The following ASIC2 variants were observed in gnomAD, a reference collection of about 807,000 sequenced individuals.
The protein encoded by ASIC2 is acid sensing ion channel subunit 2.
A neutral mutation model predicts 57.3 loss-of-function variants in ASIC2; 25 were observed. The ratio of observed to expected loss-of-function variants is 0.44; its 90% CI spans 0.32 to 0.61. The LOEUF is 0.61. Ranked by LOEUF, ASIC2 falls within the 20% of genes least tolerant of loss-of-function variation. The pLI, the probability that ASIC2 is intolerant of heterozygous loss-of-function variation, is 0.06. For missense variants in ASIC2, 641 were observed against 738.1 expected, an observed-to-expected ratio of 0.87 and a Z score of 1.52; for synonymous variants, 319 against 307.5, an observed-to-expected ratio of 1.04 and a Z score of -0.39.
intron 1 of ASIC2, among the ~76,000 whole-genome samples, chr17:33,282,479 G>GTGTGTGTGTGTGCT (rs1904995280): frequency 2.7e-5 from 4 of 147,110 alleles, no homozygotes; most frequent in South Asian, 2.2e-4. Flanking sequence ...GTGTGTGCTT[G>GTGTGTGTGTGTGCT]TGTGTGTGTG....
At chr17:34,058,897 T>C (rs1908867409) in intron 1 of ASIC2, among the ~76,000 whole-genome samples, 1 of 152,172 alleles carries the variant, frequency 6.6e-6, no homozygotes, top group Non-Finnish European at 1.5e-5. Context: ...CTATATTTCA[T>C]AGAAGAGGAA....
chr17:33,940,991 T>G (rs1012080756), intron 1 of ASIC2, among the ~76,000 whole-genome samples: 9 of 152,186 alleles, frequency 5.9e-5, no homozygotes, highest in African/African-American at 1.9e-4. Flanking sequence ...CCATTCTAAG[T>G]GCGGTGAAGA....
chr17:33,934,483 C>T (rs1211043620), intron 1 of ASIC2, among the ~76,000 whole-genome samples: 2 of 152,106 alleles, frequency 1.3e-5, no homozygotes, highest in Non-Finnish European at 2.9e-5. Flanking sequence ...GCTGACAAGT[C>T]CACAAGGTAT....
At chr17:33,540,609 GAGTT>G (rs756606262) in intron 1 of ASIC2, among the ~76,000 whole-genome samples, 2 of 152,148 alleles carry the variant, frequency 1.3e-5, no homozygotes, top group African/African-American at 4.8e-5. Flanking sequence ...CCCTCACATA[GAGTT>G]AGTTAGTCAC....
chr17:33,455,921 G>A (rs1047940374), intron 1 of ASIC2, among the ~76,000 whole-genome samples: 5 of 152,278 alleles, frequency 3.3e-5, no homozygotes, highest in South Asian at 2.1e-4. Flanking sequence ...TTTACAGGCC[G>A]TGTTGTCCAA....
At chr17:33,740,912 G>A (rs78065896) in intron 1 of ASIC2, among the ~76,000 whole-genome samples, 180 of 152,270 alleles carry the variant, frequency 1.2e-3, no homozygotes, top group African/African-American at 4.1e-3. Context: ...CTTCAACAGG[G>A]TTATAGTAAG....
intron 1 of ASIC2, among the ~76,000 whole-genome samples, chr17:33,736,987 G>A (rs1909933734): frequency 6.6e-6 from 1 of 152,260 alleles, no homozygotes; most frequent in Non-Finnish European, 1.5e-5. Context: ...TAAAGCATAT[G>A]CTATGATATA....
intron 1 of ASIC2, among the ~76,000 whole-genome samples, chr17:33,694,737 G>T (rs1322205327): frequency 6.6e-6 from 1 of 152,184 alleles, no homozygotes; most frequent in Non-Finnish European, 1.5e-5. Context: ...AGTGAAGGAG[G>T]ACTCTAACTG....
chr17:33,286,378 T>G (rs535096878), intron 1 of ASIC2, among the ~76,000 whole-genome samples: 2 of 152,250 alleles, frequency 1.3e-5, no homozygotes, highest in Middle Eastern at 3.4e-3. Context: ...GGGACACAGA[T>G]GAGGTCTCTC....
At chr17:33,178,288 A>T (rs1325865315) in intron 1 of ASIC2, among the ~76,000 whole-genome samples, 2 of 152,194 alleles carry the variant, frequency 1.3e-5, no homozygotes, top group Non-Finnish European at 1.5e-5. Context: ...TCAATTAAAA[A>T]TTTTAAAATA....
chr17:34,037,887 G>C (rs530073379), intron 1 of ASIC2: 1 of 1,613,840 alleles, frequency 6.2e-7, no homozygotes, highest in East Asian at 2.2e-5. Context: ...TGCTGAGACT[G>C]GTTATGGCCA....
At chr17:33,378,528 T>G (rs893733172) in intron 1 of ASIC2, among the ~76,000 whole-genome samples, 6 of 152,222 alleles carry the variant, frequency 3.9e-5, no homozygotes, top group African/African-American at 1.4e-4. Context: ...TCTGGGTGGT[T>G]CATGCTCTGC....
chr17:33,661,927 T>A (rs2142045265), intron 1 of ASIC2, among the ~76,000 whole-genome samples: 2 of 152,318 alleles, frequency 1.3e-5, no homozygotes, highest in Non-Finnish European at 2.9e-5. Context: ...CCTGCCTGGT[T>A]AGACTTTACT....
intron 1 of ASIC2, among the ~76,000 whole-genome samples, chr17:34,018,504 A>G (rs1907044595): frequency 6.6e-6 from 1 of 152,232 alleles, no homozygotes; most frequent in Non-Finnish European, 1.5e-5. Flanking sequence ...TCATTTCATG[A>G]GGCTATAGCT....
intron 1 of ASIC2, among the ~76,000 whole-genome samples, chr17:33,799,835 C>G (rs373191392): frequency 6.6e-6 from 1 of 152,104 alleles, no homozygotes; most frequent in Admixed American, 6.5e-5. Context: ...GTGAATGGTG[C>G]TCCCTAAGGT....
In ASIC2 at chr17:33,014,078, G is replaced by T. The variant is rs1462541767; in HGVS notation, c.1591-12C>A. On this transcript the variant is annotated splice_polypyrimidine_tract_variant and intron_variant, in intron 9 of 9. Transcript: ENST00000225823. ...GTGTCACAAGTACTCTGGAAGGGAA[G>T]GGTTGGTGGGAGTTTATTATTCGCT... 6.4e-7 allele frequency: 1 copy of T among 1,572,730 alleles called. No individual in the cohort carries two copies.
At chr17:33,030,934 G>A (rs1339148430) in intron 3 of ASIC2, among the ~76,000 whole-genome samples, 1 of 151,998 alleles carries the variant, frequency 6.6e-6, no homozygotes, top group Non-Finnish European at 1.5e-5. Context: ...GAGGTTTTTT[G>A]CATCTATGTT....
chr17:33,065,164 T>C (rs1405205808), intron 3 of ASIC2, among the ~76,000 whole-genome samples: 2 of 152,178 alleles, frequency 1.3e-5, no homozygotes, highest in Non-Finnish European at 2.9e-5. Flanking sequence ...GCTCTGTATT[T>C]ATTGAAAATG....
At chr17:33,501,926 C>CT (rs1257950381) in intron 1 of ASIC2, among the ~76,000 whole-genome samples, 1 of 152,124 alleles carries the variant, frequency 6.6e-6, no homozygotes, top group Non-Finnish European at 1.5e-5. Flanking sequence ...GCTTGGAGGC[C>CT]TTAGAGGGCC....
Sources: gnomAD v4.1 joint callset for allele counts (sites outside exome capture counted in the v4.1 genomes callset) on GRCh38, gnomAD v4.1.1 for gene constraint, MANE v1.5 for transcripts, NCBI Gene and HGNC (gene_info 2026-07-23, HGNC 2026-07-21) for gene names.